Variants in USP53 observed in about 807,000 individuals in gnomAD.
USP53 encodes the protein ubiquitin specific peptidase 53, also known as ubiquitin carboxyl-terminal hydrolase 53.
USP53 carries 71 observed loss-of-function variants against 94.9 expected under a neutral mutation model. That is an observed-to-expected ratio of 0.75 (90% CI 0.62 to 0.91). The LOEUF is 0.91. Ranked by LOEUF, USP53 falls within the 40% of genes least tolerant of loss-of-function variation. The pLI is 0.00. For synonymous variants in USP53, 375 were observed against 422.7 expected (o/e 0.89, Z 1.39); for missense variants, 1,173 against 1,281.0 (o/e 0.92, Z 1.29).
At chr4:119,227,255 C>CCACACACACACACA (rs1561196812) in intron 3 of USP53, among the ~76,000 whole-genome samples, 1 of 40,856 alleles carries the variant, frequency 2.4e-5, no homozygotes, top group Non-Finnish European at 4.7e-5. Flanking sequence ...TTGTCTAACA[C>CCACACACACACACA]TACACACACA....
chr4:119,258,396 T>C (rs1303846759), intron 9 of USP53, among the ~76,000 whole-genome samples: 1 of 152,242 alleles, frequency 6.6e-6, no homozygotes. Context: ...TATCCAGCTC[T>C]AGAATAGTTA....
intron 17 of USP53, among the ~76,000 whole-genome samples, chr4:119,290,785 G>A (rs1754660176): frequency 6.6e-6 from 1 of 152,124 alleles, no homozygotes; most frequent in Admixed American, 6.6e-5. Flanking sequence ...CATAATTAGT[G>A]AGTCCAAACT....
At chr4:119,217,992 G>A (rs1397606) in intron 3 of USP53, 146,134 of 152,328 alleles carry the variant, frequency 0.96, 70,135 homozygotes, top group East Asian at 0.99. Flanking sequence ...ATCTCTGTCT[G>A]CTCTCCAGAA....
At chr4:119,239,028 T>C (rs1460516553) in intron 4 of USP53, among the ~76,000 whole-genome samples, 190 bp from the exon 5 acceptor site, 2 of 152,156 alleles carry the variant, frequency 1.3e-5, no homozygotes, top group Non-Finnish European at 2.9e-5. Flanking sequence ...TAGGTAGGGA[T>C]TGATGTCACA....
chr4:119,224,405 C>T (rs1744975100), intron 3 of USP53, among the ~76,000 whole-genome samples: 1 of 152,228 alleles, frequency 6.6e-6, no homozygotes, highest in Non-Finnish European at 1.5e-5. Flanking sequence ...ATGCAAATTA[C>T]TGTATACTAG....
At chr4:119,239,004 C>T (rs536153838) in intron 4 of USP53, among the ~76,000 whole-genome samples, 2 of 152,118 alleles carry the variant, frequency 1.3e-5, no homozygotes, top group East Asian at 3.9e-4. Flanking sequence ...ATCTTTTGAA[C>T]ATTGAGCTTA....
intron 5 of USP53, among the ~76,000 whole-genome samples, chr4:119,240,225 A>G (rs1417461375): frequency 6.6e-6 from 1 of 152,170 alleles, no homozygotes; most frequent in Non-Finnish European, 1.5e-5. Context: ...CTTTGAAAAA[A>G]CATCCAGTAT....
chr4:119,240,039 G>T, intron 5 of USP53, 136 bp downstream of exon 5: 1 of 978,276 alleles, frequency 1.0e-6, no homozygotes, highest in Non-Finnish European at 1.3e-6. Flanking sequence ...TTAAATGGGA[G>T]CAAAAGTGTT....
At chr4:119,220,856 T>C (rs1438191299) in intron 3 of USP53, 1 of 152,178 alleles carries the variant, frequency 6.6e-6, no homozygotes, top group Non-Finnish European at 1.5e-5. Flanking sequence ...CGGGAATTTA[T>C]AGACAAGGAT....
At position 119,268,236 on chromosome 4, in the gene USP53, A is replaced by T. The variant is rs550734397; in HGVS notation, c.1136-32A>T. 56 of 1,566,038 alleles carry T rather than the reference A, an allele frequency of 3.6e-5. No individual in the cohort carries two copies. In the East Asian group the frequency reaches 9.4e-4, roughly 26 times the overall value. ...AAACATCTCTTCTCATGGGAAGGAAAGGAATGATACATTTTTGCTTCTCTT... is the reference window on the plus strand; with the variant it reads ...AAACATCTCTTCTCATGGGAAGGAATGGAATGATACATTTTTGCTTCTCTT... On this transcript the variant is annotated intron_variant, in intron 13 of 18. Coordinates refer to ENST00000692078, the MANE Select transcript of USP53 (RefSeq NM_001371395.1).
intron 17 of USP53, among the ~76,000 whole-genome samples, chr4:119,289,450 C>T (rs935698069): frequency 2.6e-5 from 4 of 152,156 alleles, no homozygotes; most frequent in African/African-American, 7.2e-5. Context: ...TTCATAGACC[C>T]TCTGAAAGGG....
chr4:119,274,449 A>G (rs1210406990), intron 17 of USP53, among the ~76,000 whole-genome samples: 1 of 152,094 alleles, frequency 6.6e-6, no homozygotes, highest in African/African-American at 2.4e-5. Flanking sequence ...ATGGCTGCAT[A>G]GTATTCCATG....
At chr4:119,224,443 T>G (rs1306541294) in intron 3 of USP53, among the ~76,000 whole-genome samples, 1 of 152,272 alleles carries the variant, frequency 6.6e-6, no homozygotes, top group Non-Finnish European at 1.5e-5. Flanking sequence ...CTATCACATT[T>G]TAAACTTGTG....
chr4:119,292,756 C>A lies in USP53; in HGVS notation c.2767C>A (p.Pro923Thr), dbSNP rs750212922. 2.2e-5 allele frequency: 35 copies of A among 1,613,882 alleles called. 1 individual carries two copies. In the East Asian group the frequency reaches 4.9e-4, roughly 23 times the overall value. ...PKLFCQNLPPPLPPKKYAITS... is the reference protein window; with the variant it reads ...PKLFCQNLPPTLPPKKYAITS... ...ACTTTTTTGCCAGAATCTACCACCC[C>A]CTTTGCCACCAAAGAAATATGCTAT... The change falls in exon 19 of 19, where the codon CCT (proline) becomes ACT (threonine). Residue 923 changes from proline to threonine, a missense_variant. Physicochemically the swap from Pro to Thr is conservative, Grantham distance 38 (BLOSUM62 -1). Transcript: ENST00000692078.
At chr4:119,213,641 GATAT>G (rs141285286) in intron 1 of USP53, among the ~76,000 whole-genome samples, 7 of 108,102 alleles carry the variant, frequency 6.5e-5, no homozygotes, top group African/African-American at 1.3e-4. Flanking sequence ...TCTGGAAATA[GATAT>G]ATATATATAT....
intron 3 of USP53, among the ~76,000 whole-genome samples, chr4:119,231,355 A>G (rs1399211742): frequency 6.6e-6 from 1 of 152,180 alleles, no homozygotes; most frequent in Non-Finnish European, 1.5e-5. Context: ...GATTCTCAGT[A>G]TTGGGTTTCG....
intron 11 of USP53, among the ~76,000 whole-genome samples, chr4:119,261,067 T>A (rs990602094): frequency 1.3e-5 from 2 of 150,114 alleles, no homozygotes; most frequent in African/African-American, 4.9e-5. Context: ...TCAAGCAATT[T>A]TCATGCTTCA....
Position 119,271,518 on chromosome 4 carries a change from A to G in USP53, c.1658A>G (p.Asp553Gly), listed in dbSNP as rs1751855356. The G allele has an allele frequency of 6.2e-7, 1 of 1,613,500 alleles. No homozygotes were observed. The highest frequency in any genetic ancestry group is 8.5e-7 in the Non-Finnish European group (1 of 1,179,992). Residue 553 changes from aspartate to glycine, a missense_variant, in exon 16 of 19, where the codon GAC (aspartate) becomes GGC (glycine). Coordinates refer to ENST00000692078, the MANE Select transcript of USP53 (RefSeq NM_001371395.1). ...GEKITGKVKS[D>G]NGTGYDTDSS... is the part of the protein sequence containing the mutation. The stretch of plus-strand genomic sequence containing the variant: ...AAAATAACTGGCAAAGTTAAGAGTG[A>G]CAATGGCACTGGATATGACACAGAC...
chr4:119,244,447 A>G (rs1747952737), intron 5 of USP53, among the ~76,000 whole-genome samples: 1 of 152,170 alleles, frequency 6.6e-6, no homozygotes, highest in Admixed American at 6.5e-5. Context: ...TTATCTGAGG[A>G]CACGACTAAA....
Sources: gnomAD v4.1 joint callset for allele counts (sites outside exome capture counted in the v4.1 genomes callset) on GRCh38, gnomAD v4.1.1 for gene constraint, MANE v1.5 for transcripts, NCBI Gene and HGNC (gene_info 2026-07-23, HGNC 2026-07-21) for gene names.